VPS13B: variants seen among roughly 807,000 people sequenced by gnomAD.
VPS13B encodes vacuolar protein sorting 13 homolog B, also known as intermembrane lipid transfer protein VPS13B.
A neutral mutation model predicts 426.4 loss-of-function variants in VPS13B; 285 were observed. The observed-to-expected ratio is 0.67, with a 90% CI of 0.61 to 0.74. The LOEUF is 0.74. VPS13B is among the 30% of genes least tolerant of loss of function. The pLI is 0.00. For synonymous variants in VPS13B, 1,676 were observed against 1,676.4 expected, an observed-to-expected ratio of 1.00 and a Z score of 0.01; for missense variants, 4,537 against 4,782.6, an observed-to-expected ratio of 0.95 and a Z score of 1.51.
At chr8:99,476,220 A>G (rs1819680402) in intron 24 of VPS13B, among the ~76,000 whole-genome samples, 1 of 152,210 alleles carries the variant, frequency 6.6e-6, no homozygotes, top group African/African-American at 2.4e-5. Context: ...ACAGCACTGA[A>G]GAATCTATAT....
chr8:99,300,812 A>C (rs1820317397), intron 19 of VPS13B, among the ~76,000 whole-genome samples: 1 of 151,922 alleles, frequency 6.6e-6, no homozygotes, highest in South Asian at 2.1e-4. Context: ...CCACTGTGAA[A>C]TAGGAATATT....
chr8:99,268,309 C>T (rs1818411217), intron 17 of VPS13B, among the ~76,000 whole-genome samples: 1 of 152,326 alleles, frequency 6.6e-6, no homozygotes, highest in East Asian at 1.9e-4. Flanking sequence ...GGCCACTGTC[C>T]TCCAGACCCC....
intron 21 of VPS13B, among the ~76,000 whole-genome samples, chr8:99,409,045 T>G (rs1281276505): frequency 6.6e-6 from 1 of 152,186 alleles, no homozygotes; most frequent in Non-Finnish European, 1.5e-5. Flanking sequence ...GAAAGTCCAT[T>G]ACTGAGTCCA....
rs375940656 is a variant in VPS13B, at chr8:99,615,694, G to A, written c.5221-26117G>A. Among the ~76,000 whole-genome samples, 19 of 152,162 alleles carry A rather than the reference G, an allele frequency of 1.2e-4. 2 individuals carry two copies. Among genetic ancestry groups the A allele is most frequent in the African/African-American group, 4.6e-4 (19 of 41,548 alleles). On this transcript the variant is annotated intron_variant, in intron 33 of 61. Coordinates refer to ENST00000357162, the MANE Select transcript of VPS13B (RefSeq NM_152564.5). ...AATCAGATAAATTTCTGTAAAATTT[G>A]TTTTGCCACACCTGATGGAATCATG...
At chr8:99,396,319 A>G (rs1048482856) in intron 21 of VPS13B, among the ~76,000 whole-genome samples, 2 of 152,206 alleles carry the variant, frequency 1.3e-5, no homozygotes, top group African/African-American at 4.8e-5. Context: ...TTGAGTCACA[A>G]AGAGGTCAAG....
intron 17 of VPS13B, among the ~76,000 whole-genome samples, chr8:99,238,296 G>A (rs557653954): frequency 2.6e-5 from 4 of 152,028 alleles, no homozygotes; most frequent in African/African-American, 9.6e-5. Context: ...TAGTTAATAA[G>A]CACAAAATAA....
chr8:99,423,625 G>C (rs1029146311), intron 21 of VPS13B, among the ~76,000 whole-genome samples: 1 of 151,966 alleles, frequency 6.6e-6, no homozygotes, highest in South Asian at 2.1e-4. Flanking sequence ...CCATTCTATA[G>C]AGCATACCTA....
intron 36 of VPS13B, among the ~76,000 whole-genome samples, chr8:99,712,099 G>A (rs1832730190): frequency 6.6e-6 from 1 of 152,178 alleles, no homozygotes; most frequent in Non-Finnish European, 1.5e-5. Flanking sequence ...AATCCCATTG[G>A]TTAAAGATAT....
intron 31 of VPS13B, among the ~76,000 whole-genome samples, chr8:99,574,207 G>A (rs542993788): frequency 2.0e-5 from 3 of 152,126 alleles, no homozygotes; most frequent in East Asian, 1.9e-4. Flanking sequence ...TGGGCTGAGA[G>A]GATGGGGTTT....
intron 29 of VPS13B, among the ~76,000 whole-genome samples, chr8:99,519,750 A>G (rs1467994727): frequency 2.1e-5 from 3 of 142,162 alleles, no homozygotes; most frequent in African/African-American, 7.8e-5. Flanking sequence ...GAATTGAACA[A>G]TGAGAACACA....
intron 29 of VPS13B, among the ~76,000 whole-genome samples, chr8:99,519,414 A>C (rs890323462): frequency 1.3e-5 from 2 of 152,186 alleles, no homozygotes; most frequent in African/African-American, 4.8e-5. Context: ...GGGATCTAGA[A>C]CTAGAAATAC....
At chr8:99,678,201 T>A (rs1419242604) in intron 35 of VPS13B, among the ~76,000 whole-genome samples, 1 of 152,106 alleles carries the variant, frequency 6.6e-6, no homozygotes, top group Non-Finnish European at 1.5e-5. Flanking sequence ...ATAGGAAAAA[T>A]TTTCTGGTCA....
chr8:99,033,401 C>T (rs1842608225), intron 2 of VPS13B, among the ~76,000 whole-genome samples: 1 of 152,176 alleles, frequency 6.6e-6, no homozygotes. Flanking sequence ...CCCTGGCTTT[C>T]TGCAGTTTGA....
At chr8:99,870,914 C>G in intron 60 of VPS13B, 27 bp downstream of exon 60, 23 of 1,602,172 alleles carry the variant, frequency 1.4e-5, no homozygotes, top group Non-Finnish European at 1.7e-5. Context: ...ACGTGCTCAA[C>G]TTTACATCCA....
intron 43 of VPS13B, among the ~76,000 whole-genome samples, chr8:99,787,267 C>T (rs1812318241): frequency 6.6e-6 from 1 of 151,812 alleles, no homozygotes; most frequent in African/African-American, 2.4e-5. Context: ...AACAGTAAGT[C>T]CCAATAGGAT....
At chr8:99,808,470 C>A (rs1315165056) in intron 43 of VPS13B, among the ~76,000 whole-genome samples, 5 of 141,618 alleles carry the variant, frequency 3.5e-5, no homozygotes, top group South Asian at 4.4e-4. Flanking sequence ...GAGCTGAGAT[C>A]GTGTCACTGC....
chr8:99,080,553 C>G (rs1845387702), intron 3 of VPS13B, among the ~76,000 whole-genome samples: 1 of 152,090 alleles, frequency 6.6e-6, no homozygotes, highest in African/African-American at 2.4e-5. Flanking sequence ...ATATCACGAT[C>G]TGTTTCTGGG....
At chr8:99,077,607 G>T (rs920098932) in intron 3 of VPS13B, among the ~76,000 whole-genome samples, 1 of 152,066 alleles carries the variant, frequency 6.6e-6, no homozygotes, top group African/African-American at 2.4e-5. Context: ...TTTTAGTCTA[G>T]TGGGGATTTC....
chr8:99,688,067 G>T (rs76625915), intron 35 of VPS13B, among the ~76,000 whole-genome samples: 6,372 of 151,404 alleles, frequency 0.042, 163 homozygotes, highest in East Asian at 0.056. Flanking sequence ...TGGGTTGGGG[G>T]AAGTGGGCTC....
Sources: gnomAD v4.1 joint callset for allele counts (sites outside exome capture counted in the v4.1 genomes callset) on GRCh38, gnomAD v4.1.1 for gene constraint, MANE v1.5 for transcripts, NCBI Gene and HGNC (gene_info 2026-07-23, HGNC 2026-07-21) for gene names.